Variants in FBXL17 observed in about 807,000 individuals in gnomAD.
FBXL17 encodes F-box and leucine rich repeat protein 17.
FBXL17 carries 22 observed loss-of-function variants against 66.2 expected under a neutral mutation model. The ratio of observed to expected loss-of-function variants is 0.33; its 90% CI spans 0.24 to 0.47. The LOEUF (loss-of-function observed/expected upper bound fraction) is 0.47. Among genes scored for constraint, FBXL17 ranks in the 20% least tolerant of loss-of-function variants. The pLI is 1.00. For synonymous variants in FBXL17, 474 were observed against 400.5 expected, an observed-to-expected ratio of 1.18 and a Z score of -2.19; for missense variants, 878 against 948.2, an observed-to-expected ratio of 0.93 and a Z score of 0.97.
chr5:108,216,870 A>G (rs1754622976), intron 5 of FBXL17, among the ~76,000 whole-genome samples: 1 of 152,302 alleles, frequency 6.6e-6, no homozygotes, highest in South Asian at 2.1e-4. Context: ...TTGGATAAAA[A>G]CTTGCACAAA....
rs2922423 is a variant in FBXL17 at position 108,223,834 on chromosome 5, A to C, written c.1614+287T>G. ...TTAAAATTCAACCAAATATCTTCTA[A>C]GCACAATATATTAACATTTAAATGA... On this transcript the variant is annotated intron_variant, in intron 5 of 8. Transcript: ENST00000542267. 0.45 allele frequency among the ~76,000 whole-genome samples: 67,746 copies of C among 151,720 alleles called. 15,460 individuals are homozygous for C. Among genetic ancestry groups the C allele is most frequent in the Non-Finnish European group, 0.5 (33,640 of 67,788 alleles).
intron 6 of FBXL17, among the ~76,000 whole-genome samples, chr5:108,055,502 G>A (rs188109942): frequency 3.1e-4 from 46 of 149,364 alleles, no homozygotes; most frequent in Non-Finnish European, 5.3e-4. Flanking sequence ...CCAGCTACTC[G>A]AGAGGCTGAG....
chr5:108,036,219 G>A (rs537529621), intron 6 of FBXL17, among the ~76,000 whole-genome samples: 1 of 152,162 alleles, frequency 6.6e-6, no homozygotes, highest in South Asian at 2.1e-4. Context: ...TTGACTTCTG[G>A]TTCATATATT....
At chr5:108,263,531 C>T (rs1756920939) in intron 4 of FBXL17, among the ~76,000 whole-genome samples, 1 of 152,024 alleles carries the variant, frequency 6.6e-6, no homozygotes, top group South Asian at 2.1e-4. Context: ...ATTTACTTTC[C>T]CTAAACTTTA....
intron 3 of FBXL17, among the ~76,000 whole-genome samples, chr5:108,363,519 C>T (rs1333932048): frequency 1.3e-5 from 2 of 151,846 alleles, no homozygotes; most frequent in Non-Finnish European, 2.9e-5. Context: ...CATAAATATC[C>T]GAAGGAAACA....
At chr5:107,984,643 C>G (rs1274987162) in intron 7 of FBXL17, among the ~76,000 whole-genome samples, 1 of 152,096 alleles carries the variant, frequency 6.6e-6, no homozygotes, top group Non-Finnish European at 1.5e-5. Context: ...GAAGCAAAGT[C>G]AAATAAAAAT....
At chr5:107,900,223 T>A (rs574696435) in intron 7 of FBXL17, among the ~76,000 whole-genome samples, 325 of 152,302 alleles carry the variant, frequency 2.1e-3, no homozygotes, top group Non-Finnish European at 3.3e-3. Context: ...TAAGGTTAAT[T>A]CCACTTGGTT....
At chr5:107,979,644 G>A (rs566638221) in intron 7 of FBXL17, among the ~76,000 whole-genome samples, 1 of 152,222 alleles carries the variant, frequency 6.6e-6, no homozygotes, top group Admixed American at 6.5e-5. Context: ...CAGCAAATGT[G>A]GTCTTCTCTA....
chr5:108,295,843 A>G (rs758995695), intron 4 of FBXL17, among the ~76,000 whole-genome samples: 3 of 151,894 alleles, frequency 2.0e-5, no homozygotes, highest in Admixed American at 1.3e-4. Context: ...ACAAGACTAT[A>G]AAGTTCTAGC....
Position 107,967,493 on chromosome 5 carries a change from G to A in FBXL17, c.1822+53432C>T, listed in dbSNP as rs145768433. Among the ~76,000 whole-genome samples, 682 of 135,768 alleles carry A rather than the reference G, an allele frequency of 5.0e-3. 14 individuals are homozygous for A. The highest frequency in any genetic ancestry group is 0.044 in the Admixed American group (559 of 12,788). The allele number at this position is 135,768 out of a possible 152,430, so 89.1% of individuals were successfully genotyped here. On this transcript the variant is annotated intron_variant, in intron 7 of 8. Transcript: ENST00000542267. ...GGGAACTGAACAATGAGAACACTTG[G>A]ATACAGGAAGGGGAACATCACACAC...
intron 6 of FBXL17, among the ~76,000 whole-genome samples, chr5:108,106,346 A>G (rs158183): frequency 0.69 from 104,930 of 152,082 alleles, 36,549 homozygotes; most frequent in East Asian, 0.92. Context: ...CTCTGGAAGG[A>G]AGTCTGGGAG....
At chr5:107,969,489 A>G (rs1054893746) in intron 7 of FBXL17, among the ~76,000 whole-genome samples, 8 of 152,214 alleles carry the variant, frequency 5.3e-5, no homozygotes, top group Non-Finnish European at 1.2e-4. Flanking sequence ...TTTCAAAAAA[A>G]AACTATTTAG....
chr5:108,378,428 TC>T (rs1278946868), intron 1 of FBXL17, among the ~76,000 whole-genome samples: 1 of 152,214 alleles, frequency 6.6e-6, no homozygotes, highest in African/African-American at 2.4e-5. Flanking sequence ...AGCTATTGAC[TC>T]CCTACCAGGA....
intron 4 of FBXL17, among the ~76,000 whole-genome samples, chr5:108,242,844 T>A (rs1216269839): frequency 1.3e-5 from 2 of 152,136 alleles, no homozygotes; most frequent in Non-Finnish European, 2.9e-5. Flanking sequence ...GCAAAAATGT[T>A]CATGTGAAAC....
At chr5:108,128,261 G>A (rs201081037) in intron 6 of FBXL17, among the ~76,000 whole-genome samples, 1 of 139,238 alleles carries the variant, frequency 7.2e-6, no homozygotes, top group Non-Finnish European at 1.6e-5. Context: ...AAAAAAAAAA[G>A]AATTTGTCTT....
chr5:108,375,609 C>T (rs568819057), intron 1 of FBXL17, among the ~76,000 whole-genome samples: 5 of 152,042 alleles, frequency 3.3e-5, no homozygotes, highest in African/African-American at 1.2e-4. Context: ...AGATGTACAG[C>T]ACGTAAAAAG....
intron 4 of FBXL17, among the ~76,000 whole-genome samples, chr5:108,225,574 G>T (rs1048796847): frequency 6.6e-6 from 1 of 152,128 alleles, no homozygotes; most frequent in Non-Finnish European, 1.5e-5. Context: ...CAGAAGTTAG[G>T]CAAGAGGCCT....
chr5:108,261,386 T>C (rs1222198020), intron 4 of FBXL17, among the ~76,000 whole-genome samples: 4 of 152,090 alleles, frequency 2.6e-5, no homozygotes, highest in Admixed American at 6.5e-5. Context: ...ACCCATACCA[T>C]GGCATATTAT....
chr5:107,962,813 T>C (rs1283037480), intron 7 of FBXL17, among the ~76,000 whole-genome samples: 6 of 152,106 alleles, frequency 3.9e-5, no homozygotes, highest in Admixed American at 1.3e-4. Flanking sequence ...TTTCTTTTAA[T>C]GACTTCAGTT....
Sources: allele counts gnomAD v4.1 joint callset (sites outside exome capture counted in the v4.1 genomes callset), GRCh38; gene constraint gnomAD v4.1.1; transcripts MANE v1.5; gene names NCBI Gene and HGNC (gene_info 2026-07-23, HGNC 2026-07-21).